ANK2: variants seen among roughly 807,000 people sequenced by gnomAD.
ANK2 encodes the protein ankyrin-2.
Under a neutral mutation model 360.5 loss-of-function variants are expected in ANK2, and 83 were observed. The ratio of observed to expected loss-of-function variants is 0.23; its 90% CI spans 0.19 to 0.28. The LOEUF is 0.28. Among genes scored for constraint, ANK2 ranks in the 10% least tolerant of loss-of-function variants. ANK2 has a pLI of 1.00. For synonymous variants in ANK2, 1,740 were observed against 1,759.5 expected, an observed-to-expected ratio of 0.99 and a Z score of 0.28; for missense variants, 4,201 against 4,795.7, an observed-to-expected ratio of 0.88 and a Z score of 3.66.
chr4:113,351,138 C>T (rs1208343727), intron 37 of ANK2, among the ~76,000 whole-genome samples: 1 of 151,760 alleles, frequency 6.6e-6, no homozygotes, highest in East Asian at 1.9e-4. Context: ...CTTTTGTGCC[C>T]CAAATGCTTT....
intron 1 of ANK2, among the ~76,000 whole-genome samples, chr4:113,123,147 T>A (rs910373667): frequency 6.6e-6 from 1 of 151,970 alleles, no homozygotes; most frequent in Non-Finnish European, 1.5e-5. Context: ...ACACACTCAA[T>A]GTAATTTTTT....
chr4:112,918,374 A>G (rs1332462853), intron 2 of ANK2, among the ~76,000 whole-genome samples: 2 of 152,148 alleles, frequency 1.3e-5, no homozygotes, highest in African/African-American at 2.4e-5. Context: ...ATAAGTGGGA[A>G]AGTGACATCA....
At chr4:112,860,494 C>A (rs2150090588) in intron 1 of ANK2, among the ~76,000 whole-genome samples, 1 of 152,232 alleles carries the variant, frequency 6.6e-6, no homozygotes, top group South Asian at 2.1e-4. Flanking sequence ...TAGAAAAAAA[C>A]TGAGAAGATT....
At position 113,282,721 on chromosome 4, in the gene ANK2, A is replaced by G; in HGVS notation, c.1928A>G (p.Gln643Arg). 2 of 1,613,884 alleles carry G rather than the reference A, an allele frequency of 1.2e-6. No homozygotes were observed. Among genetic ancestry groups the G allele is most frequent in the Non-Finnish European group, 1.7e-6 (2 of 1,179,868 alleles). Residue 643 changes from glutamine to arginine, a missense_variant, in exon 18 of 46, where the codon CAG becomes CGG. Coordinates refer to ENST00000357077, the MANE Select transcript of ANK2 (RefSeq NM_001148.6). The part of the protein sequence containing the change: ...LHIAAKKNQM[Q>R]IASTLLNYGA... The stretch of plus-strand genomic sequence containing the variant: ...ATTGCTGCCAAGAAGAATCAAATGC[A>G]GATAGCTTCCACACTCCTGAACTAT...
intron 4 of ANK2, among the ~76,000 whole-genome samples, chr4:113,229,857 T>A (rs1380419880): frequency 6.6e-6 from 1 of 152,234 alleles, no homozygotes; most frequent in Non-Finnish European, 1.5e-5. Flanking sequence ...ATTCCCTTTC[T>A]CTTGATCTAT....
chr4:112,903,759 A>C (rs1460975457), intron 1 of ANK2, among the ~76,000 whole-genome samples: 2 of 152,232 alleles, frequency 1.3e-5, no homozygotes, highest in Non-Finnish European at 2.9e-5. Flanking sequence ...GAAGCAGCAA[A>C]ATATAATAAA....
intron 35 of ANK2, among the ~76,000 whole-genome samples, chr4:113,346,584 A>G (rs2153992507): frequency 6.6e-6 from 1 of 152,260 alleles, no homozygotes; most frequent in East Asian, 1.9e-4. Context: ...GTGATGGTGC[A>G]CACCTGTAGT....
chr4:113,218,899 T>C (rs182171468), intron 4 of ANK2, among the ~76,000 whole-genome samples: 14 of 152,280 alleles, frequency 9.2e-5, no homozygotes, highest in African/African-American at 2.9e-4. Flanking sequence ...ACCAGTTAAG[T>C]TAATACTGTA....
At chr4:112,774,482 C>T in the ANK2 span, among the ~76,000 whole-genome samples, 78 of 152,222 alleles carry the variant, frequency 5.1e-4, 1 homozygote, top group African/African-American at 1.4e-3. Context: ...GCCGAGATCG[C>T]GCCACGGCAC....
chr4:112,975,694 C>T (rs568947159), intron 2 of ANK2, among the ~76,000 whole-genome samples: 1 of 152,282 alleles, frequency 6.6e-6, no homozygotes, highest in South Asian at 2.1e-4. Context: ...TGCAGTCCTC[C>T]ATTCCTTTCT....
chr4:113,028,618 GGA>G (rs2059757041), intron 2 of ANK2, among the ~76,000 whole-genome samples: 1 of 152,128 alleles, frequency 6.6e-6, no homozygotes, highest in African/African-American at 2.4e-5. Context: ...AAGGAAGGCT[GGA>G]GATTTATTTT....
chr4:113,011,565 CA>C (rs1391623983), intron 2 of ANK2, among the ~76,000 whole-genome samples: 9 of 151,648 alleles, frequency 5.9e-5, no homozygotes, highest in African/African-American at 2.2e-4. Context: ...AGTCGTTAAT[CA>C]TGAAAAAGTA....
At chr4:113,306,773 G>A (rs1171427856) in intron 23 of ANK2, among the ~76,000 whole-genome samples, 3 of 152,142 alleles carry the variant, frequency 2.0e-5, no homozygotes, top group Non-Finnish European at 4.4e-5. Flanking sequence ...TCAATAGCAC[G>A]CAGCTAGTAA....
intron 2 of ANK2, among the ~76,000 whole-genome samples, chr4:113,192,913 A>G (rs1339327626): frequency 7.3e-6 from 1 of 136,238 alleles, no homozygotes; most frequent in Non-Finnish European, 1.6e-5. Flanking sequence ...TATTTTAGGG[A>G]TTGCATTATT....
intron 4 of ANK2, among the ~76,000 whole-genome samples, chr4:113,210,286 G>A (rs1033060588): frequency 2.0e-5 from 3 of 152,164 alleles, no homozygotes; most frequent in Non-Finnish European, 4.4e-5. Context: ...ACCAGCAAGA[G>A]ATAGAAGAGG....
At chr4:113,269,309 C>T (rs1175345189) in intron 14 of ANK2, among the ~76,000 whole-genome samples, 2 of 152,134 alleles carry the variant, frequency 1.3e-5, no homozygotes, top group Non-Finnish European at 2.9e-5. Flanking sequence ...GCGTTCCAGG[C>T]GCCACGGTGG....
At chr4:112,966,456 A>AGTGT (rs201465151) in intron 2 of ANK2, among the ~76,000 whole-genome samples, 2 of 151,500 alleles carry the variant, frequency 1.3e-5, no homozygotes, top group African/African-American at 4.8e-5. Context: ...CAAATGAGTA[A>AGTGT]GTGTGTGTGT....
intron 13 of ANK2, among the ~76,000 whole-genome samples, chr4:113,260,559 G>A (rs561049721): frequency 3.4e-4 from 52 of 152,238 alleles, no homozygotes; most frequent in African/African-American, 1.1e-3. Flanking sequence ...CCTATTGATA[G>A]GGTTGCCAGG....
the ANK2 span, among the ~76,000 whole-genome samples, chr4:112,783,628 A>ATTATTTATTTATTTAT: frequency 1.2e-3 from 163 of 141,208 alleles, no homozygotes; most frequent in East Asian, 4.2e-3. Flanking sequence ...ATGTTGATAT[A>ATTATTTATTTATTTAT]TTATTTATTT....
Sources: gnomAD v4.1 joint callset for allele counts (sites outside exome capture counted in the v4.1 genomes callset) on GRCh38, gnomAD v4.1.1 for gene constraint, MANE v1.5 for transcripts, NCBI Gene and HGNC (gene_info 2026-07-23, HGNC 2026-07-21) for gene names.